Variants in NRF1 observed in about 807,000 individuals in gnomAD.
The protein encoded by NRF1 is nuclear respiratory factor 1.
Under a neutral mutation model 58.5 loss-of-function variants are expected in NRF1, and 5 were observed. That is an observed-to-expected ratio of 0.09 (90% CI 0.04 to 0.18). The LOEUF is 0.18. Among genes scored for constraint, NRF1 ranks in the 10% least tolerant of loss-of-function variants. NRF1 has a pLI of 1.00. For synonymous variants in NRF1, 224 were observed against 246.7 expected, an observed-to-expected ratio of 0.91 and a Z score of 0.86; for missense variants, 288 against 657.7, an observed-to-expected ratio of 0.44 and a Z score of 6.15.
At chr7:129,746,327 C>A (rs1803974098) in intron 10 of NRF1, among the ~76,000 whole-genome samples, 1 of 152,170 alleles carries the variant, frequency 6.6e-6, no homozygotes, top group Non-Finnish European at 1.5e-5. Context: ...TTGACATTCT[C>A]TTCATGACCT....
chr7:129,657,608 T>TTA (rs1491007254), intron 2 of NRF1, 34 bp downstream of exon 2: 6 of 416,742 alleles, frequency 1.4e-5, no homozygotes, highest in Admixed American at 1.0e-4. Context: ...TCTTCTTTAA[T>TTA]TTTTTTTTTT....
chr7:129,661,330 C>G (rs958898958), intron 2 of NRF1, among the ~76,000 whole-genome samples: 18 of 151,474 alleles, frequency 1.2e-4, no homozygotes, highest in Admixed American at 7.9e-4. Flanking sequence ...ATGCAAATTT[C>G]TGCAGCCAGC....
chr7:129,663,314 A>G (rs562247800), intron 2 of NRF1, among the ~76,000 whole-genome samples: 1 of 151,912 alleles, frequency 6.6e-6, no homozygotes, highest in South Asian at 2.1e-4. Context: ...GGCCGAGCAG[A>G]GGCGCTCCCC....
chr7:129,698,718 T>G (rs1802753446), intron 5 of NRF1, among the ~76,000 whole-genome samples: 1 of 152,134 alleles, frequency 6.6e-6, no homozygotes, highest in Non-Finnish European at 1.5e-5. Context: ...TAGGAATCAG[T>G]AGGTCTGGAA....
intron 1 of NRF1, among the ~76,000 whole-genome samples, chr7:129,637,948 A>G (rs1005866773): frequency 1.6e-4 from 25 of 152,110 alleles, no homozygotes; most frequent in African/African-American, 4.8e-4. Flanking sequence ...AATTCTTCCA[A>G]CGTGGCCTGG....
rs2116335523 is a variant in NRF1, at chr7:129,755,112, C to A, written c.1443C>A (p.Thr481=). 3 of 1,614,018 alleles carry A rather than the reference C, an allele frequency of 1.9e-6. 1 individual carries two copies. The African/African-American group carries it at 4.0e-5, about 22-fold the overall frequency. Residue 481 remains threonine, a synonymous_variant, in exon 11 of 11, where the codon ACC becomes ACA. Transcript: ENST00000393232. This position sits in a 1 kb window ranked among gnomAD's most constrained non-coding sequence, Gnocchi z 5.8. ...GPVQVAMAPV[T]TRISDSAVTM... ...TGCAGGTGGCCATGGCCCCTGTGACCACCAGGATATCAGACAGCGCAGTCA... is the reference window on the plus strand; with the variant it reads ...TGCAGGTGGCCATGGCCCCTGTGACAACCAGGATATCAGACAGCGCAGTCA...
At chr7:129,674,033 C>T (rs1341412670) in intron 3 of NRF1, among the ~76,000 whole-genome samples, 2 of 151,746 alleles carry the variant, frequency 1.3e-5, no homozygotes, top group African/African-American at 4.8e-5. Flanking sequence ...CCCAGCTAGT[C>T]GGGAGGCTGA....
At chr7:129,656,229 C>T (rs2151075139) in intron 1 of NRF1, among the ~76,000 whole-genome samples, 1 of 152,008 alleles carries the variant, frequency 6.6e-6, no homozygotes, top group Middle Eastern at 3.4e-3. Flanking sequence ...ATTTGATCAG[C>T]AAGTGACTGG....
chr7:129,686,365 C>A (rs1052102858), intron 4 of NRF1, among the ~76,000 whole-genome samples: 2 of 151,996 alleles, frequency 1.3e-5, no homozygotes, highest in South Asian at 4.1e-4. Flanking sequence ...AAATGCTGGC[C>A]AGAGAAACTT....
chr7:129,613,610 C>G (rs764250629), intron 1 of NRF1, among the ~76,000 whole-genome samples: 1 of 151,946 alleles, frequency 6.6e-6, no homozygotes, highest in Non-Finnish European at 1.5e-5. Context: ...TAAGAAAACT[C>G]TTTACGGCCG....
intron 2 of NRF1, among the ~76,000 whole-genome samples, chr7:129,658,946 G>A (rs1251594035): frequency 6.6e-6 from 1 of 152,060 alleles, no homozygotes; most frequent in Non-Finnish European, 1.5e-5. Flanking sequence ...GATACAGAAG[G>A]ACGTGAATAG....
rs529961394 is a variant in NRF1, at chr7:129,659,378, G to A, written c.223+1804G>A. 2.3e-3 allele frequency among the ~76,000 whole-genome samples: 343 copies of A among 152,120 alleles called. 1 individual carries two copies. The highest frequency in any genetic ancestry group is 7.9e-3 in the African/African-American group (326 of 41,520). The stretch of plus-strand genomic sequence containing the variant: ...ATAGGCGTGAGCCACCGCATCCAGC[G>A]AACAATATTTTTATTTAAAAAATAA... On this transcript the variant is annotated intron_variant, in intron 2 of 10. Transcript: ENST00000393232.
chr7:129,704,028 A>G (rs2116170323), intron 5 of NRF1, among the ~76,000 whole-genome samples: 1 of 152,046 alleles, frequency 6.6e-6, no homozygotes, highest in South Asian at 2.1e-4. Flanking sequence ...TTCCATTAGT[A>G]ATCTGCTTGT....
At chr7:129,720,421 A>C (rs764766937) in intron 9 of NRF1, among the ~76,000 whole-genome samples, 8 of 152,220 alleles carry the variant, frequency 5.3e-5, no homozygotes, top group Non-Finnish European at 8.8e-5. Flanking sequence ...GCCTCTCCAC[A>C]GAATTTGCTG....
At chr7:129,654,258 C>T (rs1298672076) in intron 1 of NRF1, among the ~76,000 whole-genome samples, 2 of 152,202 alleles carry the variant, frequency 1.3e-5, no homozygotes, top group South Asian at 4.1e-4. Context: ...TATTTACCAT[C>T]TATATATCTT....
chr7:129,690,549 G>A lies in NRF1; in HGVS notation c.606+3G>A. On this transcript the variant is annotated splice_donor_region_variant and intron_variant, in intron 5 of 10. Coordinates refer to ENST00000393232, the MANE Select transcript of NRF1 (RefSeq NM_005011.5). ...TCTCTGTGGACAAAATGACCCAGGT[G>A]AGGGGTGGGAGGTGAGGAGGAGACT... 1 of 1,614,140 alleles carries A rather than the reference G, an allele frequency of 6.2e-7. No individual in the cohort carries two copies.
intron 5 of NRF1, among the ~76,000 whole-genome samples, chr7:129,703,712 G>A (rs1228449591): frequency 6.6e-6 from 1 of 152,138 alleles, no homozygotes; most frequent in East Asian, 1.9e-4. Flanking sequence ...TGGTATAGGG[G>A]CAAATTTTAT....
chr7:129,668,297 T>C (rs1393143631), intron 2 of NRF1, among the ~76,000 whole-genome samples: 1 of 152,246 alleles, frequency 6.6e-6, no homozygotes, highest in East Asian at 1.9e-4. Flanking sequence ...ACTATAGTTA[T>C]GCTCTTATTT....
At chr7:129,632,515 A>T (rs190678820) in intron 1 of NRF1, among the ~76,000 whole-genome samples, 104 of 152,172 alleles carry the variant, frequency 6.8e-4, no homozygotes, top group Non-Finnish European at 1.1e-3. Context: ...GTTGAAGCTT[A>T]TTGGGCACCC....
Sources: gnomAD v4.1 joint callset for allele counts (sites outside exome capture counted in the v4.1 genomes callset) on GRCh38, gnomAD v4.1.1 for gene constraint, Gnocchi (gnomAD v3.1) non-coding constraint, MANE v1.5 for transcripts, NCBI Gene and HGNC (gene_info 2026-07-23, HGNC 2026-07-21) for gene names.